Variants in ARMH3 observed in about 807,000 individuals in gnomAD.
ARMH3 encodes the protein armadillo like helical domain containing 3.
In ARMH3, 60 loss-of-function variants were observed where a neutral mutation model predicts 99.1. The ratio of observed to expected loss-of-function variants is 0.61; its 90% CI spans 0.49 to 0.75. The LOEUF (loss-of-function observed/expected upper bound fraction) is 0.75, where lower values mean the gene tolerates loss of function less well. ARMH3 is among the 30% of genes least tolerant of loss of function. ARMH3 has a pLI of 0.00. For synonymous variants in ARMH3, 285 were observed against 292.8 expected (o/e 0.97, Z 0.27); for missense variants, 679 against 843.1 (o/e 0.81, Z 2.41).
At chr10:101,915,959 G>A (rs1413488220) in intron 23 of ARMH3, among the ~76,000 whole-genome samples, 1 of 151,848 alleles carries the variant, frequency 6.6e-6, no homozygotes, top group Non-Finnish European at 1.5e-5. Context: ...GCCCACCACG[G>A]CGCCTGGCTA....
intron 23 of ARMH3, among the ~76,000 whole-genome samples, chr10:101,900,293 A>G (rs1285044941): frequency 6.6e-6 from 1 of 152,102 alleles, no homozygotes; most frequent in Non-Finnish European, 1.5e-5. Context: ...TGGATTTCCT[A>G]TTTCCAGAAG....
Position 102,033,263 on chromosome 10 carries a change from C to T in ARMH3, c.159+20G>A. 1.2e-6 allele frequency: 2 copies of T among 1,613,954 alleles called. No individual in the cohort carries two copies. The highest frequency in any genetic ancestry group is 1.7e-5 in the Admixed American group (1 of 59,934). On this transcript the variant is annotated intron_variant, in intron 3 of 25. Transcript: ENST00000370033. ...CAATTTTAGTTACCAGGAAATTCCACAGATGCCACCAACTCTTACCTTCAT... is the reference window on the plus strand; with the variant it reads ...CAATTTTAGTTACCAGGAAATTCCATAGATGCCACCAACTCTTACCTTCAT...
chr10:102,005,102 C>A (rs966041879), intron 14 of ARMH3, among the ~76,000 whole-genome samples: 1 of 152,138 alleles, frequency 6.6e-6, no homozygotes, highest in African/African-American at 2.4e-5. Context: ...GAGGCTGAGG[C>A]AGGAGAATCA....
chr10:102,015,732 GT>G (rs1564851131), intron 8 of ARMH3, among the ~76,000 whole-genome samples: 1 of 152,140 alleles, frequency 6.6e-6, no homozygotes, highest in South Asian at 2.1e-4. Flanking sequence ...CCAAGCAAAC[GT>G]TTGCATTCTA....
intron 24 of ARMH3, among the ~76,000 whole-genome samples, chr10:101,858,486 C>A (rs1353949456): frequency 6.6e-6 from 1 of 152,212 alleles, no homozygotes; most frequent in Admixed American, 6.5e-5. Flanking sequence ...GCTATTACTA[C>A]TATTTTCTTT....
chr10:101,972,633 G>A (rs762064376), intron 20 of ARMH3, among the ~76,000 whole-genome samples: 8 of 152,200 alleles, frequency 5.3e-5, no homozygotes, highest in Admixed American at 1.3e-4. Context: ...ACATGTGACT[G>A]CATAGGATGC....
intron 8 of ARMH3, among the ~76,000 whole-genome samples, chr10:102,020,864 A>G (rs1025027954): frequency 1.3e-5 from 2 of 151,172 alleles, no homozygotes; most frequent in East Asian, 3.9e-4. Flanking sequence ...AAAAAAAAAA[A>G]AAGTCTATAG....
At chr10:101,922,965 GA>G (rs1010816745) in intron 23 of ARMH3, among the ~76,000 whole-genome samples, 3 of 152,030 alleles carry the variant, frequency 2.0e-5, no homozygotes, top group Non-Finnish European at 4.4e-5. Flanking sequence ...ACTGGGTAGT[GA>G]AAATGCATTA....
intron 24 of ARMH3, among the ~76,000 whole-genome samples, chr10:101,855,749 ATATT>A (rs1171171852): frequency 1.4e-5 from 2 of 147,108 alleles, no homozygotes; most frequent in Admixed American, 6.8e-5. Context: ...TATATAAAAT[ATATT>A]TATGTATTAT....
At chr10:102,029,796 G>A (rs778942116) in intron 4 of ARMH3, 51 bp from the exon 5 acceptor site, 4 of 1,535,534 alleles carry the variant, frequency 2.6e-6, no homozygotes, top group East Asian at 4.5e-5. Context: ...CTCAGGGTCT[G>A]TAGACCCACA....
chr10:102,046,883 C>T (rs1200999823), intron 1 of ARMH3, among the ~76,000 whole-genome samples: 1 of 152,152 alleles, frequency 6.6e-6, no homozygotes, highest in East Asian at 1.9e-4. Flanking sequence ...TACTCATGGG[C>T]TTTAATGAAC....
At chr10:101,901,887 A>C (rs1359861179) in intron 23 of ARMH3, among the ~76,000 whole-genome samples, 1 of 152,224 alleles carries the variant, frequency 6.6e-6, no homozygotes, top group Non-Finnish European at 1.5e-5. Flanking sequence ...GTCTCTCTGA[A>C]AAGGGAAGAA....
chr10:101,861,283 T>C (rs191946583), intron 24 of ARMH3, among the ~76,000 whole-genome samples: 1 of 152,106 alleles, frequency 6.6e-6, no homozygotes, highest in Admixed American at 6.5e-5. Flanking sequence ...CAGAAGACAA[T>C]GTAATAATAA....
At chr10:101,928,150 T>C (rs974282776) in intron 23 of ARMH3, among the ~76,000 whole-genome samples, 2 of 152,132 alleles carry the variant, frequency 1.3e-5, no homozygotes, top group African/African-American at 2.4e-5. Context: ...GCCAAAACAA[T>C]AGTTAAAGTA....
At chr10:102,050,543 A>ACTCC (rs2067675643) in intron 1 of ARMH3, among the ~76,000 whole-genome samples, 1 of 152,138 alleles carries the variant, frequency 6.6e-6, no homozygotes, top group Non-Finnish European at 1.5e-5. Context: ...TGACATCCAT[A>ACTCC]ATATCAACAC....
At chr10:101,904,109 C>T (rs1384408870) in intron 23 of ARMH3, among the ~76,000 whole-genome samples, 1 of 152,212 alleles carries the variant, frequency 6.6e-6, no homozygotes, top group African/African-American at 2.4e-5. Context: ...CTCCACCAAA[C>T]CACACTGACG....
At chr10:101,889,537 G>A (rs1162599881) in intron 23 of ARMH3, 47 bp from the exon 24 acceptor site, 1 of 1,502,160 alleles carries the variant, frequency 6.7e-7, no homozygotes. Flanking sequence ...AGAAGAGGTG[G>A]ATACATCTGT....
intron 20 of ARMH3, among the ~76,000 whole-genome samples, chr10:101,960,020 T>C (rs1334969113): frequency 6.6e-6 from 1 of 152,022 alleles, no homozygotes; most frequent in Non-Finnish European, 1.5e-5. Context: ...TCTACTAAAA[T>C]ACAAAAAATT....
chr10:102,010,786 T>C (rs2066613797), intron 11 of ARMH3, among the ~76,000 whole-genome samples: 1 of 152,354 alleles, frequency 6.6e-6, no homozygotes, highest in South Asian at 2.1e-4. Context: ...TTGTATCTAA[T>C]TCATTTCATC....
Sources: allele counts gnomAD v4.1 joint callset (sites outside exome capture counted in the v4.1 genomes callset), GRCh38; gene constraint gnomAD v4.1.1; transcripts MANE v1.5; gene names NCBI Gene and HGNC (gene_info 2026-07-23, HGNC 2026-07-21).